CC2D2B: variants seen among roughly 807,000 people sequenced by gnomAD.
CC2D2B encodes the protein protein CC2D2B.
A neutral mutation model predicts 161.2 loss-of-function variants in CC2D2B; 128 were observed. The observed-to-expected ratio is 0.79, with a 90% CI of 0.69 to 0.92. The LOEUF (loss-of-function observed/expected upper bound fraction) is 0.92, where lower values mean the gene tolerates loss of function less well. CC2D2B is among the 40% of genes least tolerant of loss of function. The probability of loss-of-function intolerance (pLI) is 0.00; values close to 1 mark genes in which losing one functional copy is unlikely to be tolerated. For synonymous variants in CC2D2B, 391 were observed against 449.8 expected (o/e 0.87, Z 1.65); for missense variants, 1,173 against 1,375.1 (o/e 0.85, Z 2.32).
At chr10:95,946,339 G>A (rs780971138) in intron 9 of CC2D2B, among the ~76,000 whole-genome samples, 3 of 152,128 alleles carry the variant, frequency 2.0e-5, no homozygotes, top group Non-Finnish European at 4.4e-5. Flanking sequence ...GTCAGTAGGT[G>A]CTGAAGAGGA....
chr10:95,981,688 C>G (rs192446860), intron 17 of CC2D2B, among the ~76,000 whole-genome samples: 120 of 152,262 alleles, frequency 7.9e-4, no homozygotes, highest in African/African-American at 2.8e-3. Flanking sequence ...AGTATTTTAG[C>G]TGTTACATAC....
Position 95,996,201 on chromosome 10 carries a change from C to G in CC2D2B, c.2798C>G (p.Thr933Arg), listed in dbSNP as rs1443315406. The change falls in exon 24 of 35, where the codon ACA becomes AGA. Residue 933 changes from threonine to arginine, a missense_variant. Physicochemically the swap from Thr to Arg is moderately conservative, Grantham distance 71. This residue lies in a region of CC2D2B where 598 missense variants were observed against 693.2 expected (regional missense o/e 0.86). Transcript: ENST00000646931. ...SFQHTVYKTN[T>R]ASGSHPCWNE... ...CAGCACACTGTATACAAAACCAATA[C>G]AGCAAGTGGATCTCATCCATGCTGG... is the stretch of plus-strand genomic sequence containing the variant. 2.0e-6 allele frequency: 3 copies of G among 1,518,570 alleles called. No individual in the cohort carries two copies. The highest frequency in any genetic ancestry group is 2.6e-6 in the Non-Finnish European group (3 of 1,135,350). 94.1% of individuals were successfully genotyped at this position (1,518,570 alleles called of 1,614,324 possible).
At chr10:95,976,944 C>G (rs908429881) in intron 17 of CC2D2B, among the ~76,000 whole-genome samples, 1 of 152,040 alleles carries the variant, frequency 6.6e-6, no homozygotes, top group Non-Finnish European at 1.5e-5. Context: ...GAGACGGGGT[C>G]TCTCCATGTT....
intron 24 of CC2D2B, among the ~76,000 whole-genome samples, chr10:95,999,402 T>C (rs2078370221): frequency 6.6e-6 from 1 of 152,208 alleles, no homozygotes; most frequent in Non-Finnish European, 1.5e-5. Flanking sequence ...CATTGGTCAT[T>C]GGTATTTTCT....
intron 32 of CC2D2B, among the ~76,000 whole-genome samples, chr10:96,022,957 T>A (rs536040595): frequency 6.6e-5 from 10 of 152,050 alleles, no homozygotes; most frequent in Non-Finnish European, 1.3e-4. Flanking sequence ...AAGTCAGGAA[T>A]GAGAATGGTC....
chr10:95,922,101 C>A, intron 3 of CC2D2B, 25 bp downstream of exon 3: 1 of 1,206,180 alleles, frequency 8.3e-7, no homozygotes, highest in Non-Finnish European at 1.2e-6. Flanking sequence ...TACCATAACT[C>A]TGATACTCTT....
At chr10:96,029,901 C>G (rs1423710299) in intron 34 of CC2D2B, among the ~76,000 whole-genome samples, 1 of 151,762 alleles carries the variant, frequency 6.6e-6, no homozygotes, top group Non-Finnish European at 1.5e-5. Context: ...GCCTCAAACT[C>G]CTGTGCTCAA....
At chr10:95,975,754 T>C (rs551982080) in intron 17 of CC2D2B, among the ~76,000 whole-genome samples, 4 of 152,342 alleles carry the variant, frequency 2.6e-5, no homozygotes, top group African/African-American at 7.2e-5. Flanking sequence ...TGGATGTCCT[T>C]GTTTTGCTAA....
chr10:95,983,481 A>G (rs1351523165), intron 18 of CC2D2B, 125 bp from the exon 19 acceptor site: 2 of 411,920 alleles, frequency 4.9e-6, no homozygotes, highest in East Asian at 3.6e-5. Flanking sequence ...CTAGACTACA[A>G]ATTCAGTTGT....
chr10:96,013,783 T>C lies in CC2D2B; in HGVS notation c.3427-5T>C. 1 of 1,575,880 alleles carries C rather than the reference T, an allele frequency of 6.3e-7. No individual in the cohort carries two copies. The highest frequency in any genetic ancestry group is 8.7e-7 in the Non-Finnish European group (1 of 1,149,712). ...CACACTCAATAAATGTGAATATTATTCTAGGACCTCATTGCTCGATTTGTA... is the reference window on the plus strand; with the variant it reads ...CACACTCAATAAATGTGAATATTATCCTAGGACCTCATTGCTCGATTTGTA... On this transcript the variant is annotated splice_region_variant and splice_polypyrimidine_tract_variant and intron_variant, in intron 28 of 34. Coordinates refer to ENST00000646931, the MANE Select transcript of CC2D2B (RefSeq NM_001349008.3).
intron 5 of CC2D2B, among the ~76,000 whole-genome samples, chr10:95,925,615 G>A (rs1275869306): frequency 6.6e-6 from 1 of 152,160 alleles, no homozygotes; most frequent in African/African-American, 2.4e-5. Flanking sequence ...TTATTTAGAG[G>A]ACAAGCTAAG....
At position 96,016,189 on chromosome 10, in the gene CC2D2B, GT is replaced by G. The variant is rs767617807; in HGVS notation, c.3517-8del. Reference sequence around the variant, plus strand: ...TTCTTTTTTTGTTCCTATTGCTTTTGTTTTGTCTTAGCACTGCATCAGTTTA... The same window carrying G: ...TTCTTTTTTTGTTCCTATTGCTTTTGTTTGTCTTAGCACTGCATCAGTTTA... On this transcript the variant is annotated splice_polypyrimidine_tract_variant and intron_variant, in intron 29 of 34. Transcript: ENST00000646931. The G allele has an allele frequency of 6.3e-7, 1 of 1,583,160 alleles. No homozygotes were observed. The highest frequency in any genetic ancestry group is 8.7e-7 in the Non-Finnish European group (1 of 1,153,626).
intron 32 of CC2D2B, among the ~76,000 whole-genome samples, chr10:96,021,748 G>A (rs2079471135): frequency 6.6e-6 from 1 of 152,124 alleles, no homozygotes; most frequent in Admixed American, 6.5e-5. Flanking sequence ...CAGATTAGAG[G>A]TTACTTTTGG....
rs1169566083 is a variant in CC2D2B, at chr10:96,033,093, G to A, written c.*1085G>A. On this transcript the variant is annotated 3_prime_UTR_variant, in exon 35 of 35. Transcript: ENST00000646931. ...CAAGGAGTATGGATTTCCAAAGGTT[G>A]ACCAGAGCAGTTTTGTATGAGGTAA... is the stretch of plus-strand genomic sequence containing the variant. 6.6e-6 allele frequency among the ~76,000 whole-genome samples: 1 copy of A among 152,192 alleles called. No homozygotes were observed. The highest frequency in any genetic ancestry group is 1.5e-5 in the Non-Finnish European group (1 of 68,036).
At chr10:96,000,384 G>A (rs1442551562) in intron 24 of CC2D2B, 1 of 313,972 alleles carries the variant, frequency 3.2e-6, no homozygotes, top group East Asian at 1.7e-4. Flanking sequence ...TTATCTTTGA[G>A]GCGGAGTCTT....
chr10:95,997,591 G>A (rs2078280318), intron 24 of CC2D2B, among the ~76,000 whole-genome samples: 1 of 152,104 alleles, frequency 6.6e-6, no homozygotes. Flanking sequence ...GTCTCACTAT[G>A]TTGCCCAGGC....
At chr10:95,932,940 G>A (rs1345969136) in intron 6 of CC2D2B, among the ~76,000 whole-genome samples, 1 of 152,110 alleles carries the variant, frequency 6.6e-6, no homozygotes, top group Non-Finnish European at 1.5e-5. Context: ...TTGCTAAGTT[G>A]GGGAAGTTCT....
At chr10:96,031,686 T>C (rs2141998487) in intron 34 of CC2D2B, 134 bp from the exon 35 acceptor site, 4 of 752,776 alleles carry the variant, frequency 5.3e-6, no homozygotes, top group African/African-American at 1.8e-5. Flanking sequence ...GAACATAATT[T>C]GGCACCCACA....
intron 25 of CC2D2B, 38 bp from the exon 26 acceptor site, chr10:96,009,787 A>C: frequency 1.1e-6 from 1 of 914,366 alleles, no homozygotes; most frequent in Admixed American, 2.3e-5. Flanking sequence ...TCATCACATG[A>C]TATTAAGTAA....
Sources: allele counts gnomAD v4.1 joint callset (sites outside exome capture counted in the v4.1 genomes callset), GRCh38; gene constraint gnomAD v4.1.1; regional missense constraint gnomAD v4.1.1; transcripts MANE v1.5; gene names NCBI Gene and HGNC (gene_info 2026-07-23, HGNC 2026-07-21).